Variants in IL5RA observed in about 807,000 individuals in gnomAD.
IL5RA encodes the protein interleukin-5 receptor subunit alpha.
Under a neutral mutation model 50.0 loss-of-function variants are expected in IL5RA, and 49 were observed. That is an observed-to-expected ratio of 0.98 (90% CI 0.78 to 1.24). The LOEUF (loss-of-function observed/expected upper bound fraction) is 1.24, where lower values mean the gene tolerates loss of function less well. IL5RA is among the 50% of genes most tolerant of loss of function. The pLI is 0.00. For missense variants in IL5RA, 600 were observed against 500.4 expected, an observed-to-expected ratio of 1.20 and a Z score of -1.90; for synonymous variants, 202 against 174.0, an observed-to-expected ratio of 1.16 and a Z score of -1.26.
intron 9 of IL5RA, among the ~76,000 whole-genome samples, chr3:3,078,261 A>C (rs571401486): frequency 9.2e-5 from 14 of 152,332 alleles, no homozygotes; most frequent in African/African-American, 3.1e-4. Flanking sequence ...CTTCCAAAAT[A>C]ATTAAAACTC....
chr3:3,109,159 C>T (rs1260597406), intron 1 of IL5RA, among the ~76,000 whole-genome samples: 2 of 151,732 alleles, frequency 1.3e-5, no homozygotes, highest in Non-Finnish European at 2.9e-5. Flanking sequence ...TTTTTTGGTT[C>T]CATTTCATCC....
Position 3,102,668 on chromosome 3 carries a change from CACTT to C in IL5RA, c.228+3_228+6del, listed in dbSNP as rs771362409. ...CAATAAGGATATCCATTAGAATAAA[CACTT>C]ACGTCATCTTCTTTTGGAGCGTTTA... On this transcript the variant is annotated splice_donor_5th_base_variant and intron_variant, in intron 4 of 11. Coordinates refer to ENST00000446632, the MANE Select transcript of IL5RA (RefSeq NM_175726.4). 1.6e-5 allele frequency: 25 copies of C among 1,561,916 alleles called. No homozygotes were observed. Among genetic ancestry groups the C allele is most frequent in the Admixed American group, 7.1e-5 (4 of 55,952 alleles).
intron 9 of IL5RA, among the ~76,000 whole-genome samples, chr3:3,086,554 A>G (rs1702870252): frequency 6.6e-6 from 1 of 152,104 alleles, no homozygotes; most frequent in Admixed American, 6.5e-5. Flanking sequence ...CTTCCATAAA[A>G]AAAAAAATCC....
chr3:3,091,529 C>T (rs765620249), intron 9 of IL5RA, among the ~76,000 whole-genome samples: 59 of 152,056 alleles, frequency 3.9e-4, no homozygotes, highest in Admixed American at 1.3e-3. Flanking sequence ...GTCAGGAGTT[C>T]GAGACCAGCC....
chr3:3,095,371 T>C lies in IL5RA; in HGVS notation c.783A>G (p.Pro261=), dbSNP rs1380167190. 1 of 1,609,900 alleles carries C rather than the reference T, an allele frequency of 6.2e-7. No individual in the cohort carries two copies. The highest frequency in any genetic ancestry group is 1.3e-5 in the African/African-American group (1 of 74,882). ...GTRLSIQWEK[P]VSAFPIHCFD... The stretch of plus-strand genomic sequence containing the variant: ...AGCAATGGATTGGAAAAGCAGACAC[T>C]GGTTTCTCCCATTGGATAGAGAGAC... The change falls in exon 8 of 12, where the codon CCA becomes CCG. Residue 261 remains proline, a synonymous_variant. Transcript: ENST00000446632.
At chr3:3,107,787 G>A (rs1434968571) in intron 2 of IL5RA, among the ~76,000 whole-genome samples, 2 of 152,090 alleles carry the variant, frequency 1.3e-5, no homozygotes, top group African/African-American at 4.8e-5. Context: ...TGAAATTTTG[G>A]AGAAAACAAC....
chr3:3,094,251 C>G (rs1237244604), intron 8 of IL5RA, among the ~76,000 whole-genome samples: 1 of 152,142 alleles, frequency 6.6e-6, no homozygotes, highest in Non-Finnish European at 1.5e-5. Context: ...AACTCTGTAC[C>G]CATTAAACAA....
intron 9 of IL5RA, among the ~76,000 whole-genome samples, chr3:3,082,186 G>A (rs769172159): frequency 1.3e-5 from 2 of 152,126 alleles, no homozygotes; most frequent in African/African-American, 4.8e-5. Context: ...GGGTCAAAAT[G>A]ATTAAGAATT....
intron 9 of IL5RA, among the ~76,000 whole-genome samples, chr3:3,088,126 T>A (rs17879443): frequency 2.4e-4 from 37 of 152,240 alleles, no homozygotes; most frequent in Admixed American, 1.4e-3. Flanking sequence ...AAGGTGTTAT[T>A]TAGGAAATAA....
intron 11 of IL5RA, among the ~76,000 whole-genome samples, chr3:3,071,348 G>A (rs1343430004): frequency 6.6e-6 from 1 of 152,204 alleles, no homozygotes; most frequent in Non-Finnish European, 1.5e-5. Context: ...CTCAGGCCAG[G>A]TGGCGTGGCT....
chr3:3,085,037 T>G (rs1380778438), intron 9 of IL5RA, among the ~76,000 whole-genome samples: 1 of 152,238 alleles, frequency 6.6e-6, no homozygotes, highest in Non-Finnish European at 1.5e-5. Flanking sequence ...GAAAGGTCCC[T>G]GTTAGGCCTC....
In IL5RA at chr3:3,101,784, T is replaced by A; in HGVS notation, c.275A>T (p.Lys92Ile). ...GGTCCGCACACTTGCTGAAAAGCCT[T>A]TGTGGAGGATGGTTACACATTTGCT... The part of the protein sequence containing the change: ...TESKCVTILH[K>I]GFSASVRTIL... Residue 92 changes from lysine to isoleucine, a missense_variant, in exon 5 of 12, where the codon AAA becomes ATA. Transcript: ENST00000446632. 4 of 1,614,098 alleles carry A rather than the reference T, an allele frequency of 2.5e-6. No homozygotes were observed. The highest frequency in any genetic ancestry group is 3.4e-6 in the Non-Finnish European group (4 of 1,179,992).
At chr3:3,104,050 A>C (rs1299971323) in intron 3 of IL5RA, among the ~76,000 whole-genome samples, 1 of 152,136 alleles carries the variant, frequency 6.6e-6, no homozygotes, top group African/African-American at 2.4e-5. Flanking sequence ...TTAATCAATT[A>C]ATTTTTGAGA....
intron 8 of IL5RA, among the ~76,000 whole-genome samples, chr3:3,093,507 A>G (rs183366121): frequency 3.2e-4 from 49 of 152,348 alleles, no homozygotes; most frequent in African/African-American, 1.1e-3. Flanking sequence ...GTATTTGACA[A>G]AAGCACCAAT....
chr3:3,105,870 T>A (rs926407283), intron 2 of IL5RA, among the ~76,000 whole-genome samples: 5 of 152,196 alleles, frequency 3.3e-5, no homozygotes, highest in Non-Finnish European at 7.4e-5. Flanking sequence ...CTTGAGTTTT[T>A]CTTCTGCACA....
intron 8 of IL5RA, among the ~76,000 whole-genome samples, chr3:3,093,481 G>C (rs1055846868): frequency 1.3e-5 from 2 of 152,176 alleles, no homozygotes; most frequent in Non-Finnish European, 2.9e-5. Flanking sequence ...ATTTTTTCTA[G>C]CAGATCATTT....
intron 9 of IL5RA, among the ~76,000 whole-genome samples, chr3:3,085,921 C>A (rs1313198025): frequency 1.4e-5 from 2 of 148,052 alleles, no homozygotes; most frequent in Non-Finnish European, 2.9e-5. Flanking sequence ...TCTGCTGTGA[C>A]CTCATGAATG....
In IL5RA at chr3:3,092,030, C is replaced by T. The variant is rs542826759; in HGVS notation, c.994+194G>A. On this transcript the variant is annotated intron_variant, in intron 9 of 11. Transcript: ENST00000446632. This position sits in a 1 kb window ranked among gnomAD's most constrained non-coding sequence, Gnocchi z 4.2. ...AGGAGAGTTGGCGCTAATGAGAAGCCTAGACACTTAAAAACTTCACTGGCT... is the reference window on the plus strand; with the variant it reads ...AGGAGAGTTGGCGCTAATGAGAAGCTTAGACACTTAAAAACTTCACTGGCT... 5.9e-6 allele frequency: 8 copies of T among 1,356,214 alleles called. No individual in the cohort carries two copies. Among genetic ancestry groups the T allele is most frequent in the Middle Eastern group, 2.1e-4 (1 of 4,670 alleles). 84.0% of individuals were successfully genotyped at this position (1,356,214 alleles called of 1,614,324 possible). A position where few individuals can be genotyped will look rare whatever the true frequency, so the allele number is the denominator to read the frequency against.
intron 9 of IL5RA, among the ~76,000 whole-genome samples, chr3:3,081,275 T>C (rs1175983237): frequency 6.6e-6 from 1 of 152,202 alleles, no homozygotes; most frequent in East Asian, 1.9e-4. Context: ...GCAAATCAAA[T>C]ACCGTCTTAC....
Sources: allele counts gnomAD v4.1 joint callset (sites outside exome capture counted in the v4.1 genomes callset), GRCh38; gene constraint gnomAD v4.1.1; non-coding constraint Gnocchi (gnomAD v3.1); transcripts MANE v1.5; gene names NCBI Gene and HGNC (gene_info 2026-07-23, HGNC 2026-07-21).